The following CHST8 variants were observed in gnomAD, a reference collection of about 807,000 sequenced individuals.
The protein encoded by CHST8 is carbohydrate sulfotransferase 8.
Under a neutral mutation model 15.0 loss-of-function variants are expected in CHST8, and 10 were observed. That is an observed-to-expected ratio of 0.67 (90% CI 0.41 to 1.13). The LOEUF (loss-of-function observed/expected upper bound fraction) is 1.13, where lower values mean the gene tolerates loss of function less well. CHST8 is among the 50% of genes most tolerant of loss of function. The probability of loss-of-function intolerance (pLI) is 0.00; values close to 1 mark genes in which losing one functional copy is unlikely to be tolerated. For synonymous variants in CHST8, 259 were observed against 256.6 expected (o/e 1.01, Z -0.09); for missense variants, 634 against 608.2 (o/e 1.04, Z -0.45).
chr19:33,768,464 T>A (rs540185695), intron 3 of CHST8, among the ~76,000 whole-genome samples: 1 of 152,098 alleles, frequency 6.6e-6, no homozygotes, highest in African/African-American at 2.4e-5. Flanking sequence ...TTTATTTTAT[T>A]TTTTTGAGAC....
chr19:33,722,381 G>T (rs991303139), intron 3 of CHST8, among the ~76,000 whole-genome samples: 4 of 152,172 alleles, frequency 2.6e-5, no homozygotes, highest in Admixed American at 2.6e-4. Context: ...ACAGACGGAT[G>T]GGTAGGTACA....
intron 2 of CHST8, among the ~76,000 whole-genome samples, chr19:33,671,912 G>T (rs191183314): frequency 1.3e-5 from 2 of 152,130 alleles, no homozygotes; most frequent in Admixed American, 1.3e-4. Flanking sequence ...TTTACCTCCA[G>T]AGGGGAGGAG....
At chr19:33,667,558 T>C (rs1166151116) in intron 1 of CHST8, among the ~76,000 whole-genome samples, 1 of 152,146 alleles carries the variant, frequency 6.6e-6, no homozygotes, top group Admixed American at 6.5e-5. Context: ...TGCCAAATTG[T>C]TCTTGTCTGT....
chr19:33,657,779 C>T (rs1972531133), intron 1 of CHST8, among the ~76,000 whole-genome samples: 1 of 152,156 alleles, frequency 6.6e-6, no homozygotes, highest in Non-Finnish European at 1.5e-5. Flanking sequence ...CTATATTGCC[C>T]AGGCTGGTCT....
chr19:33,668,608 C>T lies in CHST8; in HGVS notation c.-87+765C>T, dbSNP rs533745548. Among the ~76,000 whole-genome samples, 573 of 152,122 alleles carry T rather than the reference C, an allele frequency of 3.8e-3. 1 individual carries two copies. Among genetic ancestry groups the T allele is most frequent in the African/African-American group, 0.013 (544 of 41,476 alleles). ...CCCTCTGGCAAGTGTATGAGAATCT[C>T]CAAGGAGGGAGGGGAAGAGTTGTAA... On this transcript the variant is annotated intron_variant, in intron 2 of 4. Transcript: ENST00000650847.
chr19:33,710,822 C>G (rs1284984918), intron 3 of CHST8, among the ~76,000 whole-genome samples: 1 of 151,170 alleles, frequency 6.6e-6, no homozygotes, highest in Non-Finnish European at 1.5e-5. Flanking sequence ...AGTAGATTTT[C>G]TTGAATAAAC....
At chr19:33,740,043 C>T (rs574172151) in intron 3 of CHST8, among the ~76,000 whole-genome samples, 17 of 152,252 alleles carry the variant, frequency 1.1e-4, no homozygotes, top group South Asian at 2.1e-4. Flanking sequence ...AAAAGAAAGT[C>T]GGTACTTTAA....
chr19:33,689,167 GC>G lies in CHST8; in HGVS notation c.-86-5del. ...CCTCGGTGATGACTATCCCTCCTCT[GC>G]CCCGTAGATCTCGGCCTGATGGACG... is the stretch of plus-strand genomic sequence containing the variant. On this transcript the variant is annotated splice_polypyrimidine_tract_variant and splice_region_variant and intron_variant, in intron 2 of 4. Transcript: ENST00000650847. 1 of 1,421,396 alleles carries G rather than the reference GC, an allele frequency of 7.0e-7. No homozygotes were observed. 88.0% of individuals were successfully genotyped at this position (1,421,396 alleles called of 1,614,324 possible). A position where few individuals can be genotyped will look rare whatever the true frequency, so the allele number is the denominator to read the frequency against.
chr19:33,695,821 C>CTTTTTTTTTTTTTTTTTTTTTT (rs55695414), intron 3 of CHST8, among the ~76,000 whole-genome samples: 12 of 76,220 alleles, frequency 1.6e-4, no homozygotes, highest in East Asian at 4.0e-4. Flanking sequence ...TTCTTTCTTT[C>CTTTTTTTTTTTTTTTTTTTTTT]TTTTTTTTTT....
chr19:33,757,259 G>A (rs532224281), intron 3 of CHST8, among the ~76,000 whole-genome samples: 10 of 151,178 alleles, frequency 6.6e-5, no homozygotes, highest in African/African-American at 9.7e-5. Flanking sequence ...GTGTGGTGGC[G>A]CACGCCTGCT....
chr19:33,660,642 C>T (rs1054295262), intron 1 of CHST8, among the ~76,000 whole-genome samples: 1 of 152,238 alleles, frequency 6.6e-6, no homozygotes, highest in South Asian at 2.1e-4. Context: ...GTTGCCGCCC[C>T]TTTCACATCA....
intron 3 of CHST8, among the ~76,000 whole-genome samples, chr19:33,702,899 C>G (rs544851605): frequency 6.6e-6 from 1 of 152,196 alleles, no homozygotes; most frequent in Non-Finnish European, 1.5e-5. Context: ...GGGACTGCTC[C>G]GAGGGCCAGG....
intron 1 of CHST8, among the ~76,000 whole-genome samples, chr19:33,644,241 TTTA>T (rs1224849501): frequency 6.6e-6 from 1 of 152,136 alleles, no homozygotes; most frequent in Non-Finnish European, 1.5e-5. Flanking sequence ...ATTTACTGTA[TTTA>T]TTATTATTAT....
chr19:33,641,543 C>A (rs1174012833), intron 1 of CHST8, among the ~76,000 whole-genome samples: 1 of 152,162 alleles, frequency 6.6e-6, no homozygotes, highest in Non-Finnish European at 1.5e-5. Context: ...AGGTGGCACA[C>A]CGGCTGGGGA....
intron 3 of CHST8, among the ~76,000 whole-genome samples, chr19:33,753,415 C>A (rs1974460533): frequency 7.3e-6 from 1 of 136,416 alleles, no homozygotes; most frequent in Non-Finnish European, 1.6e-5. Flanking sequence ...AACCACCCAC[C>A]TTCCTCCCAC....
chr19:33,757,580 GA>G (rs764287933), intron 3 of CHST8, among the ~76,000 whole-genome samples: 9 of 141,666 alleles, frequency 6.4e-5, no homozygotes, highest in South Asian at 2.3e-4. Context: ...AAGAAAGAAA[GA>G]AAGAAAGAAA....
At chr19:33,747,607 A>C (rs566638136) in intron 3 of CHST8, among the ~76,000 whole-genome samples, 20 of 152,280 alleles carry the variant, frequency 1.3e-4, no homozygotes, top group African/African-American at 4.8e-4. Flanking sequence ...AGGAATGATA[A>C]ACACAGAATT....
At chr19:33,654,962 T>G (rs1162328749) in intron 1 of CHST8, among the ~76,000 whole-genome samples, 5 of 152,170 alleles carry the variant, frequency 3.3e-5, no homozygotes, top group Admixed American at 6.5e-5. Flanking sequence ...GCTTTGTATC[T>G]AATGATTTTT....
At chr19:33,674,111 G>T (rs536389559) in intron 2 of CHST8, among the ~76,000 whole-genome samples, 1 of 152,302 alleles carries the variant, frequency 6.6e-6, no homozygotes, top group South Asian at 2.1e-4. Context: ...GCTGGGGCCA[G>T]GGGAGGCTAG....
Sources: gnomAD v4.1 joint callset for allele counts (sites outside exome capture counted in the v4.1 genomes callset) on GRCh38, gnomAD v4.1.1 for gene constraint, MANE v1.5 for transcripts, NCBI Gene and HGNC (gene_info 2026-07-23, HGNC 2026-07-21) for gene names.